The following CHAF1A variants were observed in gnomAD, a reference collection of about 807,000 sequenced individuals.
CHAF1A encodes chromatin assembly factor 1 subunit A.
A neutral mutation model predicts 93.2 loss-of-function variants in CHAF1A; 5 were observed. The observed-to-expected ratio is 0.05, with a 90% CI of 0.03 to 0.11. The LOEUF is 0.11. Among genes scored for constraint, CHAF1A ranks in the 10% least tolerant of loss-of-function variants. The pLI, the probability that CHAF1A is intolerant of heterozygous loss-of-function variation, is 1.00. For missense variants in CHAF1A, 1,102 were observed against 1,259.9 expected, an observed-to-expected ratio of 0.87 and a Z score of 1.90; for synonymous variants, 504 against 510.3, an observed-to-expected ratio of 0.99 and a Z score of 0.17.
At chr19:4,434,480 C>T (rs991286745) in intron 13 of CHAF1A, among the ~76,000 whole-genome samples, 3 of 152,148 alleles carry the variant, frequency 2.0e-5, no homozygotes, top group African/African-American at 7.2e-5. Context: ...AACAAAGAGG[C>T]TTCTCCCCAC....
At chr19:4,405,116 A>G (rs1167874461) in intron 1 of CHAF1A, among the ~76,000 whole-genome samples, 2 of 152,292 alleles carry the variant, frequency 1.3e-5, no homozygotes, top group South Asian at 2.1e-4. Flanking sequence ...CTTTCATTTC[A>G]TGAAACAGTT....
rs73918232 is a variant in CHAF1A, at chr19:4,415,381, G to T, written c.961-2639G>T. 1.3e-3 allele frequency among the ~76,000 whole-genome samples: 200 copies of T among 152,294 alleles called. 1 individual carries two copies. Among genetic ancestry groups the T allele is most frequent in the African/African-American group, 4.4e-3 (184 of 41,556 alleles). Reference sequence around the variant, plus strand: ...TGTTATCTCTGGACTCACAGCAGAGGGGGGGCATTGTAAGAGGCAGGAGAT... The same window carrying T: ...TGTTATCTCTGGACTCACAGCAGAGTGGGGGCATTGTAAGAGGCAGGAGAT... On this transcript the variant is annotated intron_variant, in intron 3 of 14. Transcript: ENST00000301280.
intron 13 of CHAF1A, among the ~76,000 whole-genome samples, chr19:4,441,652 A>T (rs989698519): frequency 1.3e-5 from 2 of 151,840 alleles, no homozygotes; most frequent in African/African-American, 2.4e-5. Flanking sequence ...CACACCTGTA[A>T]TCCCAGCACT....
Position 4,409,575 on chromosome 19 carries a change from C to T in CHAF1A, c.776C>T (p.Thr259Ile). 3 of 1,614,148 alleles carry T rather than the reference C, an allele frequency of 1.9e-6. No homozygotes were observed. The highest frequency in any genetic ancestry group is 2.2e-5 in the South Asian group (2 of 91,078). The change falls in exon 3 of 15, where the codon ACA (threonine) becomes ATA (isoleucine). Residue 259 changes from threonine to isoleucine, a missense_variant. This residue lies in a region of CHAF1A where 379 missense variants were observed against 365.7 expected (regional missense o/e 1.04). Transcript: ENST00000301280. ...RPPQIKSLPATPQGKNMTPES... is the reference protein window; with the variant it reads ...RPPQIKSLPAIPQGKNMTPES... ...CCGCAAATCAAGTCCCTTCCAGCCA[C>T]ACCCCAAGGCAAGAACATGACCCCT...
chr19:4,408,174 A>G (rs1229580833), intron 2 of CHAF1A, among the ~76,000 whole-genome samples: 6 of 150,228 alleles, frequency 4.0e-5, no homozygotes, highest in Non-Finnish European at 8.9e-5. Context: ...ACCTGGCTTC[A>G]GATAGCCCCT....
At position 4,409,737 on chromosome 19, in the gene CHAF1A, C is replaced by T. The variant is rs199844688; in HGVS notation, c.938C>T (p.Pro313Leu). ...CAGCACAGCAGTACCAGTCCCTTCCCCACCTCCACGCCCCTCCGCAGAGTG... is the reference window on the plus strand; with the variant it reads ...CAGCACAGCAGTACCAGTCCCTTCCTCACCTCCACGCCCCTCCGCAGAGTG... ...PKQHSSTSPF[P>L]TSTPLRRITK... Residue 313 changes from proline to leucine, a missense_variant, in exon 3 of 15, where the codon CCC becomes CTC. Pro to Leu is a moderately conservative substitution (Grantham distance 98). Coordinates refer to ENST00000301280, the MANE Select transcript of CHAF1A (RefSeq NM_005483.3). The T allele has an allele frequency of 1.2e-6, 2 of 1,612,626 alleles. No individual in the cohort carries two copies. The highest frequency in any genetic ancestry group is 2.2e-5 in the East Asian group (1 of 44,808).
rs1469672102 is a variant in CHAF1A, at chr19:4,408,906, G to A, written c.107G>A (p.Arg36His). 3 of 1,598,786 alleles carry A rather than the reference G, an allele frequency of 1.9e-6. No individual in the cohort carries two copies. The highest frequency in any genetic ancestry group is 2.6e-6 in the Non-Finnish European group (3 of 1,174,694). ...TGGCTTTCTGTCTTTGTTTCAGCCC[G>A]TCTGCCGTTTAAGCGCCTGAATCTT... ...AFPVKKLIQA[R>H]LPFKRLNLVP... Residue 36 changes from arginine (R) to histidine (H), a missense_variant, in exon 3 of 15, where the codon CGT becomes CAT. Physicochemically the swap from Arg to His is conservative, Grantham distance 29. This residue lies in a region of CHAF1A where 28 missense variants were observed against 56.5 expected (regional missense o/e 0.50). Coordinates refer to ENST00000301280, the MANE Select transcript of CHAF1A (RefSeq NM_005483.3).
intron 4 of CHAF1A, among the ~76,000 whole-genome samples, chr19:4,421,955 C>T (rs1973997579): frequency 6.6e-6 from 1 of 151,948 alleles, no homozygotes; most frequent in South Asian, 2.1e-4. Flanking sequence ...GATTCTCCTG[C>T]CCCAGCCTCC....
intron 13 of CHAF1A, among the ~76,000 whole-genome samples, chr19:4,436,918 G>A (rs923362660): frequency 6.6e-6 from 1 of 152,184 alleles, no homozygotes; most frequent in African/African-American, 2.4e-5. Context: ...ACTGTGCTTC[G>A]GGGGCAGTGA....
At chr19:4,430,913 A>C in intron 11 of CHAF1A, 1 of 456,012 alleles carries the variant, frequency 2.2e-6, no homozygotes, top group Non-Finnish European at 4.1e-6. Context: ...TGTGGGTTAG[A>C]AGGCTGGAAA....
At chr19:4,442,023 C>T (rs542140922) in intron 13 of CHAF1A, among the ~76,000 whole-genome samples, 1 of 152,326 alleles carries the variant, frequency 6.6e-6, no homozygotes, top group Non-Finnish European at 1.5e-5. Flanking sequence ...GATCTGAATC[C>T]AGTTCATTTG....
At chr19:4,447,576 T>C (rs1974562279), downstream of CHAF1A, 1 of 1,613,706 alleles carries the variant, frequency 6.2e-7, no homozygotes, top group South Asian at 1.1e-5. Flanking sequence ...TGCAGCTTGA[T>C]CTTCCGGTAC....
rs1281252658 is a variant in CHAF1A at position 4,442,936 on chromosome 19, C to T, written c.2782C>T (p.Pro928Ser). ...CTCTTGCCCTGCAGAGGTCCAAGCCCCGTGTGGAGCCGCTTCCGGAGCTGG... is the reference window on the plus strand; with the variant it reads ...CTCTTGCCCTGCAGAGGTCCAAGCCTCGTGTGGAGCCGCTTCCGGAGCTGG... ...DVPDAAEVQA[P>S]CGAASGAGGG... The change falls in exon 15 of 15, where the codon CCG (proline) becomes TCG (serine). Residue 928 changes from proline to serine, a missense_variant. By Grantham distance (74) the Pro-to-Ser change is moderately conservative. Coordinates refer to ENST00000301280, the MANE Select transcript of CHAF1A (RefSeq NM_005483.3). 6.3e-7 allele frequency: 1 copy of T among 1,596,022 alleles called. No individual in the cohort carries two copies. Among genetic ancestry groups the T allele is most frequent in the African/African-American group, 1.3e-5 (1 of 74,766 alleles).
intron 7 of CHAF1A, among the ~76,000 whole-genome samples, chr19:4,424,833 C>G (rs1043629234): frequency 1.3e-5 from 2 of 152,202 alleles, no homozygotes; most frequent in African/African-American, 4.8e-5. Context: ...CGGGGTTTTA[C>G]CATGTTGGCT....
At chr19:4,423,249 C>T (rs1974022146) in intron 5 of CHAF1A, 86 bp from the exon 6 acceptor site, 1 of 1,565,792 alleles carries the variant, frequency 6.4e-7, no homozygotes, top group Non-Finnish European at 8.6e-7. Flanking sequence ...AAATGAAATA[C>T]TTGCCATATA....
intron 13 of CHAF1A, among the ~76,000 whole-genome samples, chr19:4,435,221 G>T (rs1057442525): frequency 6.6e-6 from 1 of 150,388 alleles, no homozygotes; most frequent in Non-Finnish European, 1.5e-5. Context: ...CTCCCGAGTA[G>T]CTGGGACTAC....
chr19:4,404,157 C>T (rs895233905), intron 1 of CHAF1A, among the ~76,000 whole-genome samples: 5 of 152,130 alleles, frequency 3.3e-5, no homozygotes, highest in Non-Finnish European at 7.4e-5. Context: ...TCGCTACTCG[C>T]TAGGACCATG....
At chr19:4,446,352 G>T, downstream of CHAF1A, 1 of 1,570,806 alleles carries the variant, frequency 6.4e-7, no homozygotes, top group Non-Finnish European at 8.6e-7. Flanking sequence ...AGCCCCCGCT[G>T]CTCCTCCTTC....
In CHAF1A at chr19:4,443,324, G is replaced by A. The variant is rs1340377957; in HGVS notation, c.*299G>A. The A allele has an allele frequency of 2.6e-6, 1 of 384,334 alleles. No homozygotes were observed. The highest frequency in any genetic ancestry group is 4.9e-6 in the Non-Finnish European group (1 of 204,702). The allele number at this position is 384,334 out of a possible 1,614,324, so 23.8% of individuals were successfully genotyped here. A position where few individuals can be genotyped will look rare whatever the true frequency, so the allele number is the denominator to read the frequency against. ...ACTTGTAAATGAATTGAAGCGTCAG[G>A]ACCACCCGCCTGGCCACGTGCGCGG... is the stretch of plus-strand genomic sequence containing the variant. On this transcript the variant is annotated 3_prime_UTR_variant, in exon 15 of 15. Coordinates refer to ENST00000301280, the MANE Select transcript of CHAF1A (RefSeq NM_005483.3).
Sources: gnomAD v4.1 joint callset for allele counts (sites outside exome capture counted in the v4.1 genomes callset) on GRCh38, gnomAD v4.1.1 for gene constraint, gnomAD v4.1.1 regional missense constraint, MANE v1.5 for transcripts, NCBI Gene and HGNC (gene_info 2026-07-23, HGNC 2026-07-21) for gene names.